The following CCNH variants were observed in gnomAD, a reference collection of about 807,000 sequenced individuals.
CCNH encodes cyclin-H.
In CCNH, 31 loss-of-function variants were observed where a neutral mutation model predicts 41.9. That is an observed-to-expected ratio of 0.74 (90% CI 0.56 to 1.00). The LOEUF is 1.00. Among genes scored for constraint, CCNH ranks in the 50% least tolerant of loss-of-function variants. CCNH has a pLI of 0.00. For synonymous variants in CCNH, 138 were observed against 136.1 expected, an observed-to-expected ratio of 1.01 and a Z score of -0.10; for missense variants, 362 against 388.4, an observed-to-expected ratio of 0.93 and a Z score of 0.57.
chr5:87,312,180 T>C, the CCNH span, among the ~76,000 whole-genome samples: 1 of 152,236 alleles, frequency 6.6e-6, no homozygotes, highest in Non-Finnish European at 1.5e-5. Context: ...TTATTATACA[T>C]GTGGTCAGAT....
At chr5:87,346,635 G>A in intron 9 of CCNH, 1 of 1,346,898 alleles carries the variant, frequency 7.4e-7, no homozygotes, top group East Asian at 2.4e-5. Flanking sequence ...CAGCAAAAAG[G>A]ACTTTATTTA....
At chr5:87,388,822 T>TAAG (rs1762251128), downstream of CCNH, among the ~76,000 whole-genome samples, 2 of 152,204 alleles carry the variant, frequency 1.3e-5, no homozygotes, top group Admixed American at 1.3e-4. Flanking sequence ...CTAGGAATTT[T>TAAG]AAGTTTAGGC....
At chr5:87,391,375 G>A (rs141621865), downstream of CCNH, 5 of 257,582 alleles carry the variant, frequency 1.9e-5, no homozygotes, top group African/African-American at 8.7e-5. Context: ...ATGATTATTT[G>A]TATTTACAGT....
At chr5:87,327,260 G>A (rs1156544467) in intron 9 of CCNH, among the ~76,000 whole-genome samples, 1 of 152,170 alleles carries the variant, frequency 6.6e-6, no homozygotes, top group East Asian at 1.9e-4. Context: ...CTACATTTGC[G>A]CAGCTAGGTG....
At chr5:87,329,315 G>T in intron 9 of CCNH, among the ~76,000 whole-genome samples, 1 of 151,376 alleles carries the variant, frequency 6.6e-6, no homozygotes, top group Non-Finnish European at 1.5e-5. Context: ...GGTAGCATGT[G>T]TCTGCAGTCT....
intron 6 of CCNH, among the ~76,000 whole-genome samples, chr5:87,400,983 T>C (rs1763364091): frequency 6.6e-6 from 1 of 152,194 alleles, no homozygotes; most frequent in African/African-American, 2.4e-5. Context: ...GCTGGATAAG[T>C]CTTGATTACG....
At chr5:87,314,640 C>T (rs1756182915), downstream of CCNH, among the ~76,000 whole-genome samples, 1 of 151,808 alleles carries the variant, frequency 6.6e-6, no homozygotes, top group Admixed American at 6.6e-5. Flanking sequence ...CAGCTCATAG[C>T]TTGGGTATCT....
At chr5:87,335,196 G>A (rs1329498108) in intron 9 of CCNH, among the ~76,000 whole-genome samples, 1 of 151,958 alleles carries the variant, frequency 6.6e-6, no homozygotes, top group African/African-American at 2.4e-5. Flanking sequence ...TGTTACTTTT[G>A]TGCACACCAT....
In CCNH at chr5:87,412,893, G is replaced by GT; in HGVS notation, c.-100_-99insA. 7 of 1,518,398 alleles carry GT rather than the reference G, an allele frequency of 4.6e-6. No homozygotes were observed. Among genetic ancestry groups the GT allele is most frequent in the Non-Finnish European group, 6.2e-6 (7 of 1,132,560 alleles). 94.1% of individuals were successfully genotyped at this position (1,518,398 alleles called of 1,614,324 possible). A position where few individuals can be genotyped will look rare whatever the true frequency, so the allele number is the denominator to read the frequency against. Reference sequence around the variant, plus strand: ...CCGTACCCCCACCGAAGATCTCGCGGAAGCCTAGGGCGTCCGGCTAGCCGG... The same window carrying GT: ...CCGTACCCCCACCGAAGATCTCGCGGTAAGCCTAGGGCGTCCGGCTAGCCGG... On this transcript the variant is annotated 5_prime_UTR_variant, in exon 1 of 9. Transcript: ENST00000256897.
At chr5:87,382,062 T>C (rs1761755447), upstream of CCNH, among the ~76,000 whole-genome samples, 1 of 152,162 alleles carries the variant, frequency 6.6e-6, no homozygotes, top group Admixed American at 6.5e-5. Context: ...AGTGAGATTC[T>C]TGTGCTTCAT....
chr5:87,380,797 GAACA>G (rs1386619589), upstream of CCNH, among the ~76,000 whole-genome samples: 1 of 152,062 alleles, frequency 6.6e-6, no homozygotes, highest in African/African-American at 2.4e-5. Context: ...CTAAAAACAT[GAACA>G]TTCATTTATA....
chr5:87,376,297 A>C (rs773131526), exon 1 of CCNH: 12 of 1,408,790 alleles, frequency 8.5e-6, no homozygotes, highest in Non-Finnish European at 1.1e-5. Context: ...AAAGCATTTA[A>C]CACCATAGGG....
chr5:87,366,080 C>G (rs1481815524), intron 9 of CCNH, among the ~76,000 whole-genome samples: 1 of 152,074 alleles, frequency 6.6e-6, no homozygotes, highest in Admixed American at 6.6e-5. Flanking sequence ...AGGAGAAAAA[C>G]TTTTGGTGAA....
chr5:87,401,235 A>G (rs1364611720), intron 6 of CCNH, among the ~76,000 whole-genome samples: 1 of 152,168 alleles, frequency 6.6e-6, no homozygotes, highest in Non-Finnish European at 1.5e-5. Context: ...ACATCACTCC[A>G]ATTTTCAAGG....
downstream of CCNH, chr5:87,390,729 A>G: frequency 7.7e-7 from 1 of 1,305,564 alleles, no homozygotes; most frequent in South Asian, 1.2e-5. Flanking sequence ...GTTTTTTTCA[A>G]ATCCAGGTTC....
At chr5:87,395,256 G>GA (rs1762857358) in intron 7 of CCNH, 152 bp from the exon 8 acceptor site, 2 of 541,112 alleles carry the variant, frequency 3.7e-6, no homozygotes, top group Non-Finnish European at 6.4e-6. Context: ...ATGGGGTAGG[G>GA]AAAATGATAC....
At chr5:87,354,386 A>G (rs557283746) in intron 9 of CCNH, among the ~76,000 whole-genome samples, 51 of 152,238 alleles carry the variant, frequency 3.4e-4, no homozygotes, top group African/African-American at 1.2e-3. Flanking sequence ...AAATGTTTCA[A>G]ACTTTTTCAC....
chr5:87,391,779 C>T (rs1046894625), downstream of CCNH: 6 of 231,900 alleles, frequency 2.6e-5, no homozygotes, highest in Non-Finnish European at 3.4e-5. Context: ...CCTAACTTAT[C>T]CATCTTTGAA....
chr5:87,332,714 A>C, intron 9 of CCNH: 2 of 1,400,712 alleles, frequency 1.4e-6, no homozygotes, highest in Non-Finnish European at 2.0e-6. Flanking sequence ...GCTATTGCTC[A>C]GTTTCTTATG....
Sources: gnomAD v4.1 joint callset for allele counts (sites outside exome capture counted in the v4.1 genomes callset) on GRCh38, gnomAD v4.1.1 for gene constraint, MANE v1.5 for transcripts, NCBI Gene and HGNC (gene_info 2026-07-23, HGNC 2026-07-21) for gene names.